IL1RAPL2: variants seen among roughly 807,000 people sequenced by gnomAD.
IL1RAPL2 encodes the protein X-linked interleukin-1 receptor accessory protein-like 2.
Under a neutral mutation model 44.1 loss-of-function variants are expected in IL1RAPL2, and 3 were observed. The ratio of observed to expected loss-of-function variants is 0.07; its 90% confidence interval spans 0.03 to 0.18. IL1RAPL2 has a LOEUF of 0.18. Among genes scored for constraint, IL1RAPL2 ranks in the 10% least tolerant of loss-of-function variants. The pLI, the probability that IL1RAPL2 is intolerant of heterozygous loss-of-function variation, is 1.00. For missense variants in IL1RAPL2, 391 were observed against 496.4 expected, an observed-to-expected ratio of 0.79 and a Z score of 2.02; for synonymous variants, 181 against 178.8, an observed-to-expected ratio of 1.01 and a Z score of -0.10.
In IL1RAPL2 at chrX:104,658,961, C is replaced by T; in HGVS notation, c.48C>T (p.Ser16=). The T allele has an allele frequency of 1.7e-6, 2 of 1,206,634 alleles. No homozygotes were observed. The highest frequency in any genetic ancestry group is 5.9e-5 in the East Asian group (2 of 33,737). Residue 16 remains serine (S), a synonymous_variant, in exon 2 of 11, where the codon AGC becomes AGT. Coordinates refer to ENST00000372582, the MANE Select transcript of IL1RAPL2 (RefSeq NM_017416.2). ...CCCTTGTGGTCTGTTCTGTAGTCAG[C>T]ACAAATCTGAAGATGGTGTCAAAGA... is the stretch of plus-strand genomic sequence containing the variant. ...LLALVVCSVV[S]TNLKMVSKRN...
At chrX:105,588,145 CATT>C (rs1231571666) in intron 6 of IL1RAPL2, among the ~76,000 whole-genome samples, 1 of 109,993 alleles carries the variant, frequency 9.1e-6, no homozygotes, top group Non-Finnish European at 1.9e-5. Context: ...TTTATTTCTT[CATT>C]ATTATTTTAA....
chrX:105,310,288 T>C (rs1317130082), intron 5 of IL1RAPL2, among the ~76,000 whole-genome samples: 3 of 111,772 alleles, frequency 2.7e-5, no homozygotes, highest in African/African-American at 9.7e-5. Flanking sequence ...ATTATATCTA[T>C]AGGATTTATA....
At chrX:104,648,097 A>G (rs900792241) in intron 1 of IL1RAPL2, 4 of 418,826 alleles carry the variant, frequency 9.6e-6, no homozygotes, top group African/African-American at 2.5e-5. Context: ...AGATTTCCAT[A>G]CACATACACA....
At chrX:105,447,640 TATAAATATAAATATAA>T (rs1265212095) in intron 5 of IL1RAPL2, among the ~76,000 whole-genome samples, 7 of 79,426 alleles carry the variant, frequency 8.8e-5, no homozygotes, top group East Asian at 4.5e-4. Flanking sequence ...TTTATATAAA[TATAAATATAAATATAA>T]ATAAATATAA....
chrX:104,708,220 T>G (rs1931393602), intron 2 of IL1RAPL2, among the ~76,000 whole-genome samples: 1 of 111,978 alleles, frequency 8.9e-6, no homozygotes, highest in African/African-American at 3.2e-5. Flanking sequence ...CCTTTTTATC[T>G]GTTGGCATTC....
chrX:105,432,559 CTTT>C (rs763060531), intron 5 of IL1RAPL2, among the ~76,000 whole-genome samples: 24 of 111,068 alleles, frequency 2.2e-4, no homozygotes, highest in Non-Finnish European at 3.4e-4. Context: ...TAAGCCCCCC[CTTT>C]TTTTGCTTTT....
chrX:105,124,961 G>C (rs1433482196), intron 2 of IL1RAPL2, among the ~76,000 whole-genome samples: 1 of 107,609 alleles, frequency 9.3e-6, no homozygotes, highest in Non-Finnish European at 1.9e-5. Flanking sequence ...TTCCTTCCTT[G>C]CTTCTTTTCC....
At chrX:104,679,449 G>C (rs1930852549) in intron 2 of IL1RAPL2, among the ~76,000 whole-genome samples, 1 of 111,995 alleles carries the variant, frequency 8.9e-6, no homozygotes, top group Non-Finnish European at 1.9e-5. Context: ...GGCCCAGGCT[G>C]TGCGGCTTAA....
chrX:105,455,107 A>G (rs748670024), intron 5 of IL1RAPL2, among the ~76,000 whole-genome samples: 1 of 112,342 alleles, frequency 8.9e-6, no homozygotes, highest in African/African-American at 3.2e-5. Context: ...CAAAGTAAAT[A>G]TATAAACTGC....
At chrX:105,293,005 G>A (rs1330806291) in intron 5 of IL1RAPL2, among the ~76,000 whole-genome samples, 1 of 107,837 alleles carries the variant, frequency 9.3e-6, no homozygotes, top group Non-Finnish European at 1.9e-5. Flanking sequence ...CCAGCTACTC[G>A]GGAGACTGAG....
At chrX:105,041,398 T>C (rs760981117) in intron 2 of IL1RAPL2, among the ~76,000 whole-genome samples, 17 of 110,698 alleles carry the variant, frequency 1.5e-4, no homozygotes, top group South Asian at 3.9e-4. Context: ...ATTAGGTCTG[T>C]TTGGTGCAGA....
intron 1 of IL1RAPL2, among the ~76,000 whole-genome samples, chrX:104,620,639 CAAAA>C (rs771769782): frequency 8.9e-4 from 13 of 14,580 alleles, no homozygotes; most frequent in African/African-American, 2.3e-3. Context: ...GAGTCTGTCT[CAAAA>C]AAAAAAAAAA....
At chrX:104,742,858 T>C (rs1441316745) in intron 2 of IL1RAPL2, among the ~76,000 whole-genome samples, 1 of 111,583 alleles carries the variant, frequency 9.0e-6, no homozygotes, top group Non-Finnish European at 1.9e-5. Context: ...GGCAGGAGGA[T>C]TCACTTTTAG....
intron 6 of IL1RAPL2, among the ~76,000 whole-genome samples, chrX:105,602,034 C>A (rs1048988062): frequency 2.4e-4 from 27 of 111,827 alleles, no homozygotes; most frequent in African/African-American, 8.1e-4. Flanking sequence ...CACCACTCCC[C>A]CTCCTCCAGC....
At chrX:104,916,801 G>A (rs1310253040) in intron 2 of IL1RAPL2, among the ~76,000 whole-genome samples, 5 of 111,205 alleles carry the variant, frequency 4.5e-5, no homozygotes, top group African/African-American at 1.3e-4. Context: ...TTTGTCAAAG[G>A]CCTTTTCTGC....
At chrX:104,612,012 T>C (rs1929172805) in intron 1 of IL1RAPL2, among the ~76,000 whole-genome samples, 1 of 110,746 alleles carries the variant, frequency 9.0e-6, no homozygotes, top group Non-Finnish European at 1.9e-5. Flanking sequence ...TTTCATGTCT[T>C]TGCCCAGTTT....
chrX:105,022,459 C>T (rs776526420), intron 2 of IL1RAPL2, among the ~76,000 whole-genome samples: 11 of 111,614 alleles, frequency 9.9e-5, no homozygotes, highest in Non-Finnish European at 1.9e-4. Context: ...ATCCTTCTCT[C>T]CTCTGTCTCA....
At chrX:105,224,955 A>G (rs1458534046) in intron 3 of IL1RAPL2, among the ~76,000 whole-genome samples, 3 of 112,023 alleles carry the variant, frequency 2.7e-5, no homozygotes, top group Non-Finnish European at 5.6e-5. Flanking sequence ...TCATCCAAAC[A>G]AGAAAGCAGG....
intron 5 of IL1RAPL2, among the ~76,000 whole-genome samples, chrX:105,286,164 G>A (rs1370091644): frequency 9.0e-6 from 1 of 111,270 alleles, no homozygotes; most frequent in Non-Finnish European, 1.9e-5. Flanking sequence ...TCCCTTGCTT[G>A]AAAGGAAATA....
Sources: gnomAD v4.1 joint callset for allele counts (sites outside exome capture counted in the v4.1 genomes callset) on GRCh38, gnomAD v4.1.1 for gene constraint, MANE v1.5 for transcripts, NCBI Gene and HGNC (gene_info 2026-07-23, HGNC 2026-07-21) for gene names.